The following ZNF83 variants were observed in gnomAD, a reference collection of about 807,000 sequenced individuals.
The protein encoded by ZNF83 is zinc finger protein 816B.
For synonymous variants in ZNF83, 209 were observed against 213.0 expected (o/e 0.98, Z 0.17); for missense variants, 552 against 629.9 (o/e 0.88, Z 1.32).
Position 52,671,282 on chromosome 19 carries a change from C to CT in ZNF83, c.-282-10440dup, listed in dbSNP as rs541677315. Reference sequence around the variant, plus strand: ...AGAGCTTACACCTCATTCTCAAATACTTTTTTTTACAGTTCTTCCCTGCAA... The same window carrying CT: ...AGAGCTTACACCTCATTCTCAAATACTTTTTTTTTACAGTTCTTCCCTGCAA... On this transcript the variant is annotated intron_variant, in intron 1 of 5. Transcript: ENST00000594682. Among the ~76,000 whole-genome samples the CT allele has an allele frequency of 2.5e-4, 38 of 152,118 alleles. No individual in the cohort carries two copies. The South Asian group carries it at 4.2e-3, about 17-fold the overall frequency.
At chr19:52,625,952 C>T (rs1166194951) in intron 2 of ZNF83, among the ~76,000 whole-genome samples, 1 of 152,166 alleles carries the variant, frequency 6.6e-6, no homozygotes, top group African/African-American at 2.4e-5. Flanking sequence ...TTTGCATTTC[C>T]AATTTTGCCT....
In ZNF83 at chr19:52,618,924, A is replaced by G. The variant is rs757310058; in HGVS notation, c.-233-4127T>C. 15 of 1,547,512 alleles carry G rather than the reference A, an allele frequency of 9.7e-6. 2 individuals are homozygous for G. Among genetic ancestry groups the G allele is most frequent in the Admixed American group, 1.7e-5 (1 of 57,206 alleles). ...GGGAACATCCCCACTTCTGGAGGGA[A>G]GTTATCCTCACCCAGGGAGACCAGG... On this transcript the variant is annotated intron_variant, in intron 2 of 2. Transcript: ENST00000301096.
intron 3 of ZNF83, among the ~76,000 whole-genome samples, chr19:52,646,643 C>T (rs2061376329): frequency 6.6e-6 from 1 of 152,024 alleles, no homozygotes; most frequent in African/African-American, 2.4e-5. Context: ...TCACTCACTC[C>T]AAGGATAGTA....
chr19:52,682,186 A>G (rs1158288448), intron 1 of ZNF83, among the ~76,000 whole-genome samples: 3 of 151,826 alleles, frequency 2.0e-5, no homozygotes, highest in Admixed American at 2.0e-4. Context: ...GTTGACAACA[A>G]TGAAAAATAC....
upstream of ZNF83, among the ~76,000 whole-genome samples, chr19:52,640,058 T>C (rs2061278922): frequency 6.6e-6 from 1 of 152,184 alleles, no homozygotes; most frequent in African/African-American, 2.4e-5. Context: ...TGACCATCTG[T>C]GTCAGCTAAT....
At chr19:52,622,307 G>C (rs888106149) in intron 2 of ZNF83, among the ~76,000 whole-genome samples, 4 of 152,056 alleles carry the variant, frequency 2.6e-5, no homozygotes, top group African/African-American at 9.7e-5. Context: ...GCCCCTTCTC[G>C]TGAGACACCA....
At chr19:52,664,996 T>G (rs1427329195) in intron 1 of ZNF83, among the ~76,000 whole-genome samples, 1 of 152,054 alleles carries the variant, frequency 6.6e-6, no homozygotes, top group African/African-American at 2.4e-5. Flanking sequence ...TTTTAGCAAT[T>G]TAATTCCAAA....
chr19:52,679,403 G>C (rs575480551), intron 1 of ZNF83, among the ~76,000 whole-genome samples: 3 of 152,168 alleles, frequency 2.0e-5, no homozygotes, highest in Non-Finnish European at 4.4e-5. Context: ...CTGTGGTCAG[G>C]AGTTCAAGAC....
chr19:52,635,225 C>G (rs190305125), intron 1 of ZNF83, 72 bp from the exon 2 acceptor site: 1 of 516,732 alleles, frequency 1.9e-6, no homozygotes, highest in South Asian at 3.6e-5. Context: ...ACAACACATA[C>G]AAAGGAGACC....
At chr19:52,671,890 T>C (rs1274013135) in intron 1 of ZNF83, among the ~76,000 whole-genome samples, 1 of 152,210 alleles carries the variant, frequency 6.6e-6, no homozygotes, top group Non-Finnish European at 1.5e-5. Context: ...TAAGAATACA[T>C]TGCAGTCAAG....
At position 52,656,430 on chromosome 19, in the gene ZNF83, C is replaced by T. The variant is rs574471441; in HGVS notation, c.-200-743G>A. Among the ~76,000 whole-genome samples the T allele has an allele frequency of 2.6e-5, 4 of 152,164 alleles. No homozygotes were observed. The South Asian group carries it at 8.3e-4, about 32-fold the overall frequency. On this transcript the variant is annotated intron_variant, in intron 2 of 5. Transcript: ENST00000594682. The stretch of plus-strand genomic sequence containing the variant: ...ATCCCAGCTATTTGGGAAGCCGAGG[C>T]AGGGGAATTGCTTCAACTCTGGAGG...
intron 1 of ZNF83, among the ~76,000 whole-genome samples, chr19:52,662,628 C>T (rs749572734): frequency 1.3e-5 from 2 of 152,016 alleles, no homozygotes; most frequent in Non-Finnish European, 2.9e-5. Context: ...ATTACCATCT[C>T]GTATAGAAAA....
Position 52,667,203 on chromosome 19 carries a change from G to A in ZNF83, c.-282-6360C>T, listed in dbSNP as rs182204298. Among the ~76,000 whole-genome samples, 417 of 144,510 alleles carry A rather than the reference G, an allele frequency of 2.9e-3. 3 individuals carry two copies. Among genetic ancestry groups the A allele is most frequent in the Non-Finnish European group, 4.1e-3 (271 of 66,564 alleles). 94.8% of individuals were successfully genotyped at this position (144,510 alleles called of 152,430 possible). On this transcript the variant is annotated intron_variant, in intron 1 of 5. Transcript: ENST00000594682. Reference sequence around the variant, plus strand: ...CAGACATGAAGGAAGTTCACTTTGGGAAAGAATGGTTATCATCTTTGAAAA... The same window carrying A: ...CAGACATGAAGGAAGTTCACTTTGGAAAAGAATGGTTATCATCTTTGAAAA...
chr19:52,687,379 ATT>A (rs1491528415), intron 1 of ZNF83, among the ~76,000 whole-genome samples: 3 of 25,038 alleles, frequency 1.2e-4, no homozygotes, highest in African/African-American at 1.2e-3. Flanking sequence ...ATAAATTATA[ATT>A]TATATATATA....
At chr19:52,622,717 AAGGG>A in intron 2 of ZNF83, among the ~76,000 whole-genome samples, 1 of 152,372 alleles carries the variant, frequency 6.6e-6, no homozygotes, top group East Asian at 1.9e-4. Flanking sequence ...CTAGACCCTG[AAGGG>A]TCAGAAGGCT....
At chr19:52,678,803 G>C (rs1037416791) in intron 1 of ZNF83, among the ~76,000 whole-genome samples, 3 of 151,910 alleles carry the variant, frequency 2.0e-5, no homozygotes, top group African/African-American at 7.3e-5. Context: ...GTGAAAACCT[G>C]TCTCTACTAA....
intron 2 of ZNF83, among the ~76,000 whole-genome samples, chr19:52,623,476 T>C (rs958769619): frequency 1.3e-5 from 2 of 152,180 alleles, no homozygotes; most frequent in South Asian, 2.1e-4. Flanking sequence ...CACTCCTTTT[T>C]AGTTATCCCC....
At chr19:52,623,901 C>G (rs1207881643) in intron 2 of ZNF83, among the ~76,000 whole-genome samples, 1 of 152,176 alleles carries the variant, frequency 6.6e-6, no homozygotes, top group East Asian at 1.9e-4. Flanking sequence ...TTTTGCCTAT[C>G]CACCCTGTGG....
chr19:52,629,181 A>G (rs2060857973), intron 2 of ZNF83, among the ~76,000 whole-genome samples: 1 of 152,158 alleles, frequency 6.6e-6, no homozygotes, highest in South Asian at 2.1e-4. Flanking sequence ...GTAGTTCCAA[A>G]TAGCCAGAAA....
Sources: gnomAD v4.1 joint callset for allele counts (sites outside exome capture counted in the v4.1 genomes callset) on GRCh38, gnomAD v4.1.1 for gene constraint, MANE v1.5 for transcripts, NCBI Gene and HGNC (gene_info 2026-07-23, HGNC 2026-07-21) for gene names.